The following CLVS1 variants were observed in gnomAD, a reference collection of about 807,000 sequenced individuals.
CLVS1 encodes clavesin-1.
Under a neutral mutation model 33.1 loss-of-function variants are expected in CLVS1, and 10 were observed. That is an observed-to-expected ratio of 0.30 (90% CI 0.19 to 0.51). The LOEUF (loss-of-function observed/expected upper bound fraction) is 0.51, where lower values mean the gene tolerates loss of function less well. Among genes scored for constraint, CLVS1 ranks in the 20% least tolerant of loss-of-function variants. The pLI is 0.97. For synonymous variants in CLVS1, 163 were observed against 166.1 expected (o/e 0.98, Z 0.14); for missense variants, 343 against 433.4 (o/e 0.79, Z 1.85).
At chr8:61,499,394 G>T in intron 5 of CLVS1, 61 bp from the exon 6 acceptor site, 1 of 1,212,244 alleles carries the variant, frequency 8.2e-7, no homozygotes, top group Non-Finnish European at 1.2e-6. Flanking sequence ...GTCTTCAAAG[G>T]TTCCAAAATT....
chr8:61,391,624 T>A (rs954691107), intron 3 of CLVS1, among the ~76,000 whole-genome samples: 2 of 152,214 alleles, frequency 1.3e-5, no homozygotes, highest in Non-Finnish European at 2.9e-5. Flanking sequence ...ACCAAGAAGA[T>A]TAAGCTAATG....
At chr8:61,263,083 C>G (rs1394361930) in intron 2 of CLVS1, among the ~76,000 whole-genome samples, 2 of 152,180 alleles carry the variant, frequency 1.3e-5, no homozygotes, top group East Asian at 3.9e-4. Flanking sequence ...AGTCACCTCC[C>G]TGGGAAACTT....
At chr8:61,262,810 C>T (rs1041138177) in intron 2 of CLVS1, among the ~76,000 whole-genome samples, 5 of 152,046 alleles carry the variant, frequency 3.3e-5, no homozygotes, top group Non-Finnish European at 7.4e-5. Flanking sequence ...GTTGACTTGC[C>T]CTTTCTTGCC....
the CLVS1 span, among the ~76,000 whole-genome samples, chr8:61,033,047 A>AAGAAAGAAAGAG: frequency 1.2e-4 from 9 of 77,972 alleles, no homozygotes; most frequent in African/African-American, 1.9e-4. Flanking sequence ...GAAAGAAAGA[A>AAGAAAGAAAGAG]AAAGAAAGAA....
chr8:61,329,602 AT>A (rs1811517761), intron 2 of CLVS1, among the ~76,000 whole-genome samples: 1 of 152,238 alleles, frequency 6.6e-6, no homozygotes, highest in Non-Finnish European at 1.5e-5. Flanking sequence ...AATGTATCAA[AT>A]TAGCACTTGT....
At chr8:61,202,488 G>C in intron 2 of CLVS1, 3 of 906,514 alleles carry the variant, frequency 3.3e-6, no homozygotes, top group South Asian at 1.3e-5. Flanking sequence ...CTTTAAGAAC[G>C]GTCAGTTTAG....
rs571228614 is a variant in CLVS1, at chr8:61,154,221, G to GT, written c.-152+22364dup. On this transcript the variant is annotated intron_variant, in intron 2 of 2. Coordinates refer to the CLVS1 transcript ENST00000522621. ...CAAGATGCTTTTTTTGTTTTTTTTTGTTTGTTTGTTTGTTTTTTGCTGGTG... is the reference window on the plus strand; with the variant it reads ...CAAGATGCTTTTTTTGTTTTTTTTTGTTTTGTTTGTTTGTTTTTTGCTGGTG... Among the ~76,000 whole-genome samples, 303 of 148,604 alleles carry GT rather than the reference G, an allele frequency of 2.0e-3. 2 individuals are homozygous for GT. The highest frequency in any genetic ancestry group is 7.2e-3 in the African/African-American group (283 of 39,188).
At chr8:61,354,170 T>G (rs1409129612) in intron 2 of CLVS1, among the ~76,000 whole-genome samples, 1 of 152,060 alleles carries the variant, frequency 6.6e-6, no homozygotes, top group Non-Finnish European at 1.5e-5. Context: ...TAAGAAGAAT[T>G]AACAACAAGC....
At chr8:61,420,459 G>A (rs2129604579) in intron 3 of CLVS1, among the ~76,000 whole-genome samples, 1 of 152,178 alleles carries the variant, frequency 6.6e-6, no homozygotes, top group East Asian at 1.9e-4. Context: ...AAAATTAGCT[G>A]GGCATAGTGT....
At chr8:61,308,235 T>A (rs1446564864) in intron 2 of CLVS1, among the ~76,000 whole-genome samples, 5 of 152,198 alleles carry the variant, frequency 3.3e-5, no homozygotes, top group African/African-American at 9.6e-5. Context: ...AAGTTACTAA[T>A]GACATAAAAA....
intron 2 of CLVS1, among the ~76,000 whole-genome samples, chr8:61,264,067 G>A (rs796710744): frequency 5.3e-5 from 8 of 152,224 alleles, no homozygotes; most frequent in African/African-American, 1.4e-4. Context: ...AGCTGAAACA[G>A]TGTGAAAAGG....
chr8:61,054,013 T>C (rs1438072649), upstream of CLVS1, among the ~76,000 whole-genome samples: 1 of 152,214 alleles, frequency 6.6e-6, no homozygotes, highest in Non-Finnish European at 1.5e-5. Flanking sequence ...TGAAGCTGGT[T>C]TGAATCAATC....
upstream of CLVS1, among the ~76,000 whole-genome samples, chr8:61,056,082 G>T (rs1033271469): frequency 1.3e-5 from 2 of 152,200 alleles, no homozygotes. Context: ...GACCAGTGTA[G>T]GACTGACGTT....
At chr8:61,414,907 C>T (rs891862790) in intron 3 of CLVS1, among the ~76,000 whole-genome samples, 1 of 152,310 alleles carries the variant, frequency 6.6e-6, no homozygotes, top group East Asian at 1.9e-4. Context: ...ACTTAACAGG[C>T]AATTTATTAA....
the CLVS1 span, among the ~76,000 whole-genome samples, chr8:60,975,535 G>T: frequency 1.3e-5 from 2 of 152,068 alleles, no homozygotes; most frequent in Non-Finnish European, 2.9e-5. Flanking sequence ...GAGTTATGCT[G>T]CCACAAGACA....
At chr8:61,483,683 G>T (rs538719654) in intron 5 of CLVS1, among the ~76,000 whole-genome samples, 1 of 152,310 alleles carries the variant, frequency 6.6e-6, no homozygotes, top group South Asian at 2.1e-4. Flanking sequence ...GATGAACATT[G>T]ATGCAAAAAT....
At chr8:61,067,181 G>T (rs1804698394) in intron 1 of CLVS1, among the ~76,000 whole-genome samples, 1 of 152,174 alleles carries the variant, frequency 6.6e-6, no homozygotes, top group South Asian at 2.1e-4. Context: ...AGCACTAATT[G>T]TATTGTAATT....
intron 5 of CLVS1, among the ~76,000 whole-genome samples, chr8:61,478,490 T>C (rs1297628096): frequency 6.6e-6 from 1 of 152,232 alleles, no homozygotes; most frequent in Non-Finnish European, 1.5e-5. Flanking sequence ...GCTTTATGAA[T>C]CTGGGTGCTC....
At chr8:61,269,495 T>A (rs1267795903) in intron 2 of CLVS1, among the ~76,000 whole-genome samples, 1 of 152,128 alleles carries the variant, frequency 6.6e-6, no homozygotes, top group Non-Finnish European at 1.5e-5. Flanking sequence ...GACTTGGCGA[T>A]GCGGACTCTT....
Sources: gnomAD v4.1 joint callset for allele counts (sites outside exome capture counted in the v4.1 genomes callset) on GRCh38, gnomAD v4.1.1 for gene constraint, MANE v1.5 for transcripts, NCBI Gene and HGNC (gene_info 2026-07-23, HGNC 2026-07-21) for gene names.